The following FOCAD variants were observed in gnomAD, a reference collection of about 807,000 sequenced individuals.
The protein encoded by FOCAD is KIAA1797.
A neutral mutation model predicts 225.6 loss-of-function variants in FOCAD; 198 were observed. That is an observed-to-expected ratio of 0.88 (90% CI 0.78 to 0.99). The LOEUF (loss-of-function observed/expected upper bound fraction) is 0.99, where lower values mean the gene tolerates loss of function less well. Among genes scored for constraint, FOCAD ranks in the 50% least tolerant of loss-of-function variants. The pLI is 0.00. For synonymous variants in FOCAD, 897 were observed against 755.0 expected (o/e 1.19, Z -3.08); for missense variants, 2,713 against 2,123.6 (o/e 1.28, Z -5.46).
In FOCAD at chr9:20,951,000, T is replaced by G; in HGVS notation, c.3953T>G (p.Ile1318Ser). 1 of 1,612,484 alleles carries G rather than the reference T, an allele frequency of 6.2e-7. No individual in the cohort carries two copies. The highest frequency in any genetic ancestry group is 8.5e-7 in the Non-Finnish European group (1 of 1,178,632). ...NEVIRTLTQV[I>S]SVSGVIGLQS... Reference sequence around the variant, plus strand: ...CTGTTACCTTTTTATTTGTAGGTCATTAGTGTCTCTGGGGTGATTGGTCTC... The same window carrying G: ...CTGTTACCTTTTTATTTGTAGGTCAGTAGTGTCTCTGGGGTGATTGGTCTC... Residue 1318 changes from isoleucine (I) to serine (S), a missense_variant, in exon 34 of 44, where the codon ATT becomes AGT. Ile to Ser is a moderately radical substitution (Grantham distance 142). Transcript: ENST00000338382.
intron 25 of FOCAD, among the ~76,000 whole-genome samples, chr9:20,925,992 A>G (rs1473148137): frequency 6.6e-6 from 1 of 152,166 alleles, no homozygotes; most frequent in Admixed American, 6.5e-5. Flanking sequence ...TATTATCTTC[A>G]CTATAATTCA....
intron 38 of FOCAD, 97 bp downstream of exon 38, chr9:20,981,783 G>T (rs1840724102): frequency 7.5e-7 from 1 of 1,341,126 alleles, no homozygotes; most frequent in Non-Finnish European, 1.0e-6. Context: ...TAAGAATGTG[G>T]GTGGGAAGGC....
chr9:20,791,611 G>T (rs1820546716), intron 11 of FOCAD, among the ~76,000 whole-genome samples: 1 of 152,152 alleles, frequency 6.6e-6, no homozygotes, highest in Non-Finnish European at 1.5e-5. Flanking sequence ...GAAGCCCAAA[G>T]CCTTATAACC....
At chr9:20,717,928 C>G in intron 3 of FOCAD, 60 bp downstream of exon 3, 1 of 1,281,848 alleles carries the variant, frequency 7.8e-7, no homozygotes, top group Non-Finnish European at 1.1e-6. Flanking sequence ...AGCTGGATCA[C>G]ATATGCACCT....
chr9:20,819,245 G>C (rs1824057519), intron 11 of FOCAD, among the ~76,000 whole-genome samples: 1 of 152,042 alleles, frequency 6.6e-6, no homozygotes. Context: ...ACAGGGTCTT[G>C]CTCTGTCATC....
intron 15 of FOCAD, among the ~76,000 whole-genome samples, chr9:20,825,807 C>T (rs565578059): frequency 3.3e-5 from 5 of 152,160 alleles, no homozygotes; most frequent in African/African-American, 1.2e-4. Context: ...AGACATCAAT[C>T]AAAGATTAAA....
upstream of FOCAD, among the ~76,000 whole-genome samples, chr9:20,656,099 C>G (rs1222412263): frequency 6.7e-6 from 1 of 150,250 alleles, no homozygotes; most frequent in African/African-American, 2.4e-5. Flanking sequence ...GAGTGAGATT[C>G]TTAATCCTGA....
At chr9:20,717,656 CT>C in intron 2 of FOCAD, 137 bp from the exon 3 acceptor site, 1 of 634,164 alleles carries the variant, frequency 1.6e-6, no homozygotes, top group South Asian at 2.0e-5. Context: ...AATTCAATGC[CT>C]TCTACATAGC....
chr9:20,934,752 A>G (rs1389426587), intron 28 of FOCAD, among the ~76,000 whole-genome samples: 6 of 152,102 alleles, frequency 3.9e-5, no homozygotes, highest in Non-Finnish European at 8.8e-5. Flanking sequence ...AGAATTGATA[A>G]CAGAATTCAG....
rs112280978 is a variant in FOCAD at position 20,721,045 on chromosome 9, A to G, written c.287+511A>G. ...TTCTTTGAATTTGTTTGGTATGACCATATTTCGTCCATTTACAGACTGAGG... is the reference window on the plus strand; with the variant it reads ...TTCTTTGAATTTGTTTGGTATGACCGTATTTCGTCCATTTACAGACTGAGG... On this transcript the variant is annotated intron_variant, in intron 4 of 43. Coordinates refer to ENST00000338382, the MANE Select transcript of FOCAD (RefSeq NM_001375567.1). 7.6e-3 allele frequency among the ~76,000 whole-genome samples: 1,154 copies of G among 152,328 alleles called. 21 individuals are homozygous for G. Among genetic ancestry groups the G allele is most frequent in the African/African-American group, 0.026 (1,089 of 41,566 alleles).
At chr9:20,744,280 T>A (rs1467875406) in intron 5 of FOCAD, among the ~76,000 whole-genome samples, 1 of 152,186 alleles carries the variant, frequency 6.6e-6, no homozygotes, top group African/African-American at 2.4e-5. Flanking sequence ...GGCCCAGACT[T>A]CTGCATTTTT....
chr9:20,724,776 C>A (rs1007349516), intron 4 of FOCAD, among the ~76,000 whole-genome samples: 1 of 151,638 alleles, frequency 6.6e-6, no homozygotes, highest in Non-Finnish European at 1.5e-5. Flanking sequence ...TTTTAAGAAA[C>A]AAGCTAATTA....
At chr9:20,732,400 G>A (rs1826789590) in intron 4 of FOCAD, among the ~76,000 whole-genome samples, 1 of 152,210 alleles carries the variant, frequency 6.6e-6, no homozygotes, top group Non-Finnish European at 1.5e-5. Flanking sequence ...TCCAGTTACA[G>A]GAAATAGTAT....
At chr9:20,861,943 G>T (rs571989179) in intron 15 of FOCAD, among the ~76,000 whole-genome samples, 1 of 152,132 alleles carries the variant, frequency 6.6e-6, no homozygotes, top group South Asian at 2.1e-4. Context: ...TAAGAAAATT[G>T]GGTCAAGTTA....
At chr9:20,818,267 G>C (rs1228407797) in intron 11 of FOCAD, among the ~76,000 whole-genome samples, 1 of 151,942 alleles carries the variant, frequency 6.6e-6, no homozygotes, top group Non-Finnish European at 1.5e-5. Context: ...TATATAGTCT[G>C]GGTACAAATC....
At chr9:20,738,914 A>G (rs971247422) in intron 4 of FOCAD, among the ~76,000 whole-genome samples, 5 of 152,220 alleles carry the variant, frequency 3.3e-5, no homozygotes, top group Non-Finnish European at 4.4e-5. Context: ...AAAATTATAC[A>G]TGGTATTTAA....
chr9:20,751,955 T>C (rs1342120389), intron 5 of FOCAD, among the ~76,000 whole-genome samples: 6 of 143,582 alleles, frequency 4.2e-5, no homozygotes, highest in Non-Finnish European at 9.2e-5. Flanking sequence ...ATAAATGTTG[T>C]CTTTTGAGAA....
chr9:20,658,603 TC>T (rs957799259), intron 1 of FOCAD: 1 of 154,200 alleles, frequency 6.5e-6, no homozygotes, highest in African/African-American at 2.4e-5. Flanking sequence ...CCCTTGCGCT[TC>T]CCAGGTGAGG....
intron 28 of FOCAD, 53 bp from the exon 29 acceptor site, chr9:20,944,574 C>A: frequency 6.3e-7 from 1 of 1,576,954 alleles, no homozygotes; most frequent in South Asian, 1.2e-5. Context: ...AAGTGAAGAG[C>A]AATTGTGTGG....
Sources: allele counts gnomAD v4.1 joint callset (sites outside exome capture counted in the v4.1 genomes callset), GRCh38; gene constraint gnomAD v4.1.1; transcripts MANE v1.5; gene names NCBI Gene and HGNC (gene_info 2026-07-23, HGNC 2026-07-21).